COXFA4: variants seen among roughly 807,000 people sequenced by gnomAD.
The protein encoded by COXFA4 is cytochrome c oxidase associated subunit FA4.
chr7:10,938,028 C>A, the COXFA4 span: 8 of 1,414,624 alleles, frequency 5.7e-6, no homozygotes, highest in African/African-American at 1.4e-5. Context: ...AGAAAACCCA[C>A]CCCATGACAA....
At chr7:10,940,108 A>G in the COXFA4 span, 19 of 1,583,384 alleles carry the variant, frequency 1.2e-5, no homozygotes, top group Admixed American at 1.7e-5. Context: ...CCTAGCCACC[A>G]GGCCCTAAGC....
At chr7:10,936,050 T>G in the COXFA4 span, among the ~76,000 whole-genome samples, 1 of 152,166 alleles carries the variant, frequency 6.6e-6, no homozygotes, top group Non-Finnish European at 1.5e-5. Flanking sequence ...AAATCAAATC[T>G]GATGTCAGTG....
At chr7:10,937,953 A>T in the COXFA4 span, 1 of 703,380 alleles carries the variant, frequency 1.4e-6, no homozygotes, top group East Asian at 2.6e-5. Flanking sequence ...TTTTCATTTC[A>T]CAGAACTACC....
At chr7:10,934,263 C>T in the COXFA4 span, among the ~76,000 whole-genome samples, 6 of 151,682 alleles carry the variant, frequency 4.0e-5, no homozygotes, top group African/African-American at 1.2e-4. Context: ...ACTGACACTT[C>T]AACTCTGGTA....
At chr7:10,933,447 T>G in the COXFA4 span, 2 of 552,478 alleles carry the variant, frequency 3.6e-6, no homozygotes, top group Non-Finnish European at 6.4e-6. Flanking sequence ...CATAAAAAAG[T>G]GACACATATC....
chr7:10,934,733 T>A, the COXFA4 span, among the ~76,000 whole-genome samples: 3 of 152,232 alleles, frequency 2.0e-5, no homozygotes, highest in East Asian at 5.8e-4. Flanking sequence ...AGTATTTTAC[T>A]GACAAAAAAA....
chr7:10,937,952 C>A, the COXFA4 span: 4 of 698,438 alleles, frequency 5.7e-6, no homozygotes, highest in Admixed American at 2.6e-5. Context: ...ATTTTCATTT[C>A]ACAGAACTAC....
the COXFA4 span, chr7:10,938,825 C>T: frequency 1.9e-6 from 3 of 1,613,260 alleles, no homozygotes; most frequent in Admixed American, 3.3e-5. Flanking sequence ...CTGGATTGAA[C>T]AATGCCAGAC....
chr7:10,940,081 G>A, the COXFA4 span: 4 of 1,612,822 alleles, frequency 2.5e-6, no homozygotes, highest in Non-Finnish European at 2.5e-6. Flanking sequence ...GTCTCCGACT[G>A]GAAAGGAGAG....
At chr7:10,933,554 T>C in the COXFA4 span, 10 of 1,063,720 alleles carry the variant, frequency 9.4e-6, no homozygotes, top group Non-Finnish European at 1.4e-5. Context: ...GGAGAAATAT[T>C]TCCTGGTTAA....
the COXFA4 span, chr7:10,938,036 C>T: frequency 6.6e-7 from 1 of 1,517,602 alleles, no homozygotes; most frequent in East Asian, 2.3e-5. Flanking sequence ...CACCCCATGA[C>T]AAAACTTATT....
At chr7:10,932,441 A>C in the COXFA4 span, 1 of 152,222 alleles carries the variant, frequency 6.6e-6, no homozygotes, top group African/African-American at 2.4e-5. Context: ...CTCGTTTAAC[A>C]ATTTCAAAAT....
chr7:10,939,981 AAGGGAAAACATT>A, the COXFA4 span: 1 of 1,612,974 alleles, frequency 6.2e-7, no homozygotes, highest in South Asian at 1.1e-5. Context: ...CAAGAAGGAC[AAGGGAAAACATT>A]AGGAGAGCGG....
chr7:10,938,714 T>C, the COXFA4 span: 1 of 872,528 alleles, frequency 1.1e-6, no homozygotes, highest in African/African-American at 1.6e-5. Context: ...TGTAACATTC[T>C]TTCTACTACC....
chr7:10,933,515 G>A, the COXFA4 span: 1 of 745,904 alleles, frequency 1.3e-6, no homozygotes, highest in South Asian at 1.5e-5. Context: ...TTACAATAGA[G>A]ATCTCCAACA....
chr7:10,940,029 T>C, the COXFA4 span: 3 of 1,613,928 alleles, frequency 1.9e-6, no homozygotes, highest in South Asian at 1.1e-5. Flanking sequence ...CGGATGCTTC[T>C]TGGCCTGACC....
chr7:10,938,578 T>C, the COXFA4 span: 1 of 475,164 alleles, frequency 2.1e-6, no homozygotes, highest in Non-Finnish European at 3.8e-6. Context: ...ATTACAAGAT[T>C]TGGTATTAGC....
the COXFA4 span, chr7:10,937,780 ATC>A: frequency 3.3e-6 from 1 of 304,326 alleles, no homozygotes; most frequent in African/African-American, 2.2e-5. Context: ...AGGCTGAAGA[ATC>A]TGTGTTTCAA....
At chr7:10,939,073 T>C in the COXFA4 span, 1 of 553,500 alleles carries the variant, frequency 1.8e-6, no homozygotes, top group Non-Finnish European at 3.3e-6. Flanking sequence ...ATAACTGTGT[T>C]CTAAAGAAAG....
Sources: allele counts gnomAD v4.1 joint callset (sites outside exome capture counted in the v4.1 genomes callset), GRCh38; gene constraint gnomAD v4.1.1; transcripts MANE v1.5; gene names NCBI Gene and HGNC (gene_info 2026-07-23, HGNC 2026-07-21).